COQ6: variants seen among roughly 807,000 people sequenced by gnomAD.
COQ6 encodes the protein coenzyme Q6, monooxygenase.
A neutral mutation model predicts 55.5 loss-of-function variants in COQ6; 45 were observed. That is an observed-to-expected ratio of 0.81 (90% CI 0.64 to 1.04). The LOEUF is 1.04. Ranked by LOEUF, COQ6 falls within the 50% of genes least tolerant of loss-of-function variation. The probability of loss-of-function intolerance (pLI) is 0.00; values close to 1 mark genes in which losing one functional copy is unlikely to be tolerated. For synonymous variants in COQ6, 206 were observed against 230.5 expected (o/e 0.89, Z 0.96); for missense variants, 550 against 601.3 (o/e 0.91, Z 0.89).
chr14:73,955,556 T>TAA (rs1566684664), intron 3 of COQ6, 47 bp downstream of exon 3: 1 of 1,558,104 alleles, frequency 6.4e-7, no homozygotes, highest in East Asian at 2.2e-5. Flanking sequence ...TGGTCTGTCT[T>TAA]AAGATATCGG....
chr14:73,950,373 C>T lies in COQ6; in HGVS notation c.41C>T (p.Ala14Val). 1.3e-6 allele frequency: 2 copies of T among 1,563,962 alleles called. No homozygotes were observed. The highest frequency in any genetic ancestry group is 8.6e-7 in the Non-Finnish European group (1 of 1,156,122). The stretch of plus-strand genomic sequence containing the variant: ...GTCAGCCGATGCGGGGCTGTGCGTG[C>T]AGCTCCCCACAGCGGCCCGCTGGTG... ...RLVSRCGAVR[A>V]APHSGPLVSW... Residue 14 changes from alanine (A) to valine (V), a missense_variant, in exon 1 of 12, where the codon GCA becomes GTA. Ala to Val is a moderately conservative substitution (Grantham distance 64). Transcript: ENST00000334571.
rs187468747 is a variant in COQ6, at chr14:73,963,082, T to C, written c.*83T>C. 6.2e-6 allele frequency: 7 copies of C among 1,137,956 alleles called. No homozygotes were observed. Among genetic ancestry groups the C allele is most frequent in the African/African-American group, 6.1e-5 (4 of 65,068 alleles). The allele number at this position is 1,137,956 out of a possible 1,614,324, so 70.5% of individuals were successfully genotyped here. A position where few individuals can be genotyped will look rare whatever the true frequency, so the allele number is the denominator to read the frequency against. The stretch of plus-strand genomic sequence containing the variant: ...CATCATACATATTTTCAAGATCTTA[T>C]TTAATTTAATAAACTTACTTTACAT... On this transcript the variant is annotated 3_prime_UTR_variant, in exon 12 of 12. Transcript: ENST00000334571.
upstream of COQ6, chr14:73,950,132 T>A: frequency 6.3e-7 from 1 of 1,598,584 alleles, no homozygotes; most frequent in South Asian, 1.1e-5. Context: ...CTTTGGCGTC[T>A]GGTTGGCTTC....
chr14:73,958,340 G>A, intron 5 of COQ6, 63 bp downstream of exon 5: 1 of 1,610,786 alleles, frequency 6.2e-7, no homozygotes, highest in Non-Finnish European at 8.5e-7. Flanking sequence ...TAGATTCTAG[G>A]GACTCTGGTT....
chr14:73,954,830 C>G (rs150260008), intron 2 of COQ6, among the ~76,000 whole-genome samples: 2 of 104,392 alleles, frequency 1.9e-5, no homozygotes, highest in South Asian at 3.7e-4. Context: ...GGCTACAGAG[C>G]GAGATTCCGT....
chr14:73,958,859 T>C (rs568033989), intron 5 of COQ6, 112 bp from the exon 6 acceptor site: 1 of 1,550,800 alleles, frequency 6.4e-7, no homozygotes, highest in East Asian at 2.4e-5. Flanking sequence ...CTGATGGAAT[T>C]ATCCTGCCAC....
In COQ6 at chr14:73,959,085, T is replaced by C. The variant is rs781304368; in HGVS notation, c.720+7T>C. On this transcript the variant is annotated splice_region_variant and intron_variant, in intron 6 of 11. Coordinates refer to ENST00000334571, the MANE Select transcript of COQ6 (RefSeq NM_182476.3). ...TACTCTGCATTTATCAGAGGTAAGA[T>C]CCTGAGCTGCCATCTGGGGACTTTA... The C allele has an allele frequency of 4.3e-6, 7 of 1,614,012 alleles. No individual in the cohort carries two copies. Among genetic ancestry groups the C allele is most frequent in the Middle Eastern group, 1.6e-4 (1 of 6,084 alleles).
chr14:73,952,746 C>T (rs2056250911), intron 1 of COQ6, among the ~76,000 whole-genome samples: 2 of 152,032 alleles, frequency 1.3e-5, no homozygotes, highest in African/African-American at 4.8e-5. Flanking sequence ...GGCTGGAGTG[C>T]AGTGGTGCAA....
Position 73,963,017 on chromosome 14 carries a change from A to T in COQ6, c.*18A>T, listed in dbSNP as rs2056825135. 7 of 1,594,986 alleles carry T rather than the reference A, an allele frequency of 4.4e-6. No individual in the cohort carries two copies. The highest frequency in any genetic ancestry group is 6.0e-6 in the Non-Finnish European group (7 of 1,162,688). Reference sequence around the variant, plus strand: ...GCAAATGAGTACTCCTCTCCTAAAGAAAGATTACGTTGATGAAAAAGAACA... The same window carrying T: ...GCAAATGAGTACTCCTCTCCTAAAGTAAGATTACGTTGATGAAAAAGAACA... On this transcript the variant is annotated 3_prime_UTR_variant, in exon 12 of 12. Coordinates refer to ENST00000334571, the MANE Select transcript of COQ6 (RefSeq NM_182476.3).
chr14:73,958,630 T>C, intron 5 of COQ6: 1 of 1,289,924 alleles, frequency 7.8e-7, no homozygotes, highest in Non-Finnish European at 9.9e-7. Context: ...CCTTTTTGCA[T>C]GGTAGCCATT....
At chr14:73,950,301 G>A (rs1309539789), upstream of COQ6, 14 of 1,543,234 alleles carry the variant, frequency 9.1e-6, no homozygotes, top group South Asian at 1.2e-5. Context: ...GGGCCTGCGG[G>A]AGTTCTGAGT....
intron 5 of COQ6, 101 bp downstream of exon 5, chr14:73,958,378 G>A (rs1478403402): frequency 6.3e-7 from 1 of 1,585,120 alleles, no homozygotes; most frequent in Non-Finnish European, 8.6e-7. Context: ...TTTAATTTTA[G>A]GCAAAACTTT....
At position 73,962,764 on chromosome 14, in the gene COQ6, C is replaced by A. The variant is rs191936224; in HGVS notation, c.1378-206C>A. ...CCTAGGAGTTTGAGGCTGCAGTGAG[C>A]TATGATCACACCACTGCACTCCAGC... On this transcript the variant is annotated intron_variant, in intron 11 of 11. Transcript: ENST00000334571. The A allele has an allele frequency of 5.1e-6, 3 of 591,762 alleles. No individual in the cohort carries two copies. In the East Asian group the frequency reaches 8.6e-5, roughly 17 times the overall value. The allele number at this position is 591,762 out of a possible 1,614,324, so 36.7% of individuals were successfully genotyped here. A position where few individuals can be genotyped will look rare whatever the true frequency, so the allele number is the denominator to read the frequency against.
In COQ6 at chr14:73,959,223, C is replaced by A. The variant is rs371260604; in HGVS notation, c.782C>A (p.Pro261Gln). 1 of 1,614,212 alleles carries A rather than the reference C, an allele frequency of 6.2e-7. No individual in the cohort carries two copies. Among genetic ancestry groups the A allele is most frequent in the South Asian group, 1.1e-5 (1 of 91,076 alleles). The change falls in exon 7 of 12, where the codon CCG becomes CAG. Residue 261 changes from proline (P) to glutamine (Q), a missense_variant and splice_region_variant. By Grantham distance (76) the Pro-to-Gln change is moderately conservative (BLOSUM62 -1). Transcript: ENST00000334571. ...CCCTCTGGGCCTATTGCTCTGCTCCCGGTAAGAGGTCCTTCTGACCAGTCC... is the reference window on the plus strand; with the variant it reads ...CCCTCTGGGCCTATTGCTCTGCTCCAGGTAAGAGGTCCTTCTGACCAGTCC... Reference protein sequence around the residue: ...FLPSGPIALLPLSDTLSSLVW... With the variant: ...FLPSGPIALLQLSDTLSSLVW...
intron 5 of COQ6, chr14:73,958,692 C>T: frequency 7.4e-7 from 1 of 1,351,490 alleles, no homozygotes; most frequent in Non-Finnish European, 9.5e-7. Context: ...CATACTGAAA[C>T]TTTCCTTATT....
upstream of COQ6, chr14:73,949,972 C>A: frequency 1.2e-6 from 2 of 1,613,674 alleles, no homozygotes; most frequent in East Asian, 2.2e-5. Flanking sequence ...TCTCTCCTCA[C>A]CTGACGGCTC....
intron 4 of COQ6, among the ~76,000 whole-genome samples, chr14:73,957,528 G>A (rs2056497050): frequency 6.6e-6 from 1 of 152,168 alleles, no homozygotes. Flanking sequence ...TGGCTGGGGT[G>A]CAGTGGCTTA....
chr14:73,962,011 A>G, intron 11 of COQ6, 108 bp downstream of exon 11: 1 of 1,284,936 alleles, frequency 7.8e-7, no homozygotes, highest in Non-Finnish European at 1.1e-6. Context: ...GCAGTGGCAC[A>G]ATTTCCACTC....
rs981533235 is a variant in COQ6 at position 73,950,326 on chromosome 14, C to T, written c.-7C>T. ...GAGTTCTGAGTGCGACGGCGCAGGTCTGCACCATGGCGGCCCGGCTTGTCA... is the reference window on the plus strand; with the variant it reads ...GAGTTCTGAGTGCGACGGCGCAGGTTTGCACCATGGCGGCCCGGCTTGTCA... On this transcript the variant is annotated 5_prime_UTR_variant, in exon 1 of 12. Transcript: ENST00000334571. 3 of 1,549,658 alleles carry T rather than the reference C, an allele frequency of 1.9e-6. No individual in the cohort carries two copies. The highest frequency in any genetic ancestry group is 1.4e-5 in the African/African-American group (1 of 73,558).
Sources: gnomAD v4.1 joint callset for allele counts (sites outside exome capture counted in the v4.1 genomes callset) on GRCh38, gnomAD v4.1.1 for gene constraint, MANE v1.5 for transcripts, NCBI Gene and HGNC (gene_info 2026-07-23, HGNC 2026-07-21) for gene names.